Variants in ROBO2 observed in about 807,000 individuals in gnomAD.
ROBO2 encodes the protein roundabout homolog 2.
Under a neutral mutation model 160.8 loss-of-function variants are expected in ROBO2, and 53 were observed. The observed-to-expected ratio is 0.33, with a 90% CI of 0.26 to 0.41. The LOEUF (loss-of-function observed/expected upper bound fraction) is 0.41, where lower values mean the gene tolerates loss of function less well. Ranked by LOEUF, ROBO2 falls within the 10% of genes least tolerant of loss-of-function variation. The pLI, the probability that ROBO2 is intolerant of heterozygous loss-of-function variation, is 1.00. For missense variants in ROBO2, 1,577 were observed against 1,722.4 expected (o/e 0.92, Z 1.49); for synonymous variants, 664 against 611.7 (o/e 1.09, Z -1.26).
At chr3:77,632,227 G>A in intron 23 of ROBO2, 1 of 315,660 alleles carries the variant, frequency 3.2e-6, no homozygotes, top group Non-Finnish European at 5.7e-6. Flanking sequence ...TTTAAACAAT[G>A]TAAGAGTTGA....
chr3:77,145,405 G>A (rs1271727935), intron 2 of ROBO2, among the ~76,000 whole-genome samples: 2 of 152,064 alleles, frequency 1.3e-5, no homozygotes, highest in Admixed American at 1.3e-4. Context: ...TGTAGCTAAC[G>A]TTCTGAAGGA....
intron 2 of ROBO2, among the ~76,000 whole-genome samples, chr3:76,381,271 A>T (rs2076607715): frequency 6.6e-6 from 1 of 152,210 alleles, no homozygotes; most frequent in Non-Finnish European, 1.5e-5. Context: ...ATTTAGACCA[A>T]AATAAATCAA....
chr3:76,732,026 C>T lies in ROBO2; in HGVS notation c.110-365988C>T, dbSNP rs532476350. On this transcript the variant is annotated intron_variant, in intron 2 of 26. Transcript: ENST00000487694. ...TTTTCATCTTTCAGAGCCCAGACTG[C>T]CAGTTATTTCACCCGGGAATCATGT... 9.9e-5 allele frequency among the ~76,000 whole-genome samples: 15 copies of T among 152,052 alleles called. No homozygotes were observed. In the South Asian group the frequency reaches 3.1e-3, roughly 32 times the overall value.
intron 2 of ROBO2, among the ~76,000 whole-genome samples, chr3:77,463,941 C>T (rs2082503325): frequency 6.6e-6 from 1 of 152,168 alleles, no homozygotes; most frequent in Admixed American, 6.5e-5. Flanking sequence ...AGCCATTAAA[C>T]TCATTGAAGA....
At chr3:77,286,085 G>C (rs549544752) in intron 2 of ROBO2, among the ~76,000 whole-genome samples, 1 of 152,008 alleles carries the variant, frequency 6.6e-6, no homozygotes, top group Non-Finnish European at 1.5e-5. Context: ...AATAATCTGC[G>C]CATATGCATA....
chr3:77,410,513 T>TTCCTCCTCC (rs1253780728), intron 2 of ROBO2, among the ~76,000 whole-genome samples: 1 of 97,792 alleles, frequency 1.0e-5, no homozygotes, highest in Non-Finnish European at 2.5e-5. Context: ...CTTCCTCCTC[T>TTCCTCCTCC]TCCTCCTCCT....
chr3:77,593,604 A>G (rs1559684623), intron 17 of ROBO2, among the ~76,000 whole-genome samples: 1 of 152,214 alleles, frequency 6.6e-6, no homozygotes, highest in Admixed American at 6.5e-5. Flanking sequence ...GATATGCTTT[A>G]CTGTCTCATG....
chr3:76,477,052 CT>C (rs1276150682), intron 2 of ROBO2, among the ~76,000 whole-genome samples: 2 of 152,110 alleles, frequency 1.3e-5, no homozygotes, highest in Non-Finnish European at 2.9e-5. Flanking sequence ...ACTGTGTAGC[CT>C]CAGCTGTAAA....
chr3:76,215,601 G>C (rs1373165224), intron 2 of ROBO2, among the ~76,000 whole-genome samples: 1 of 152,042 alleles, frequency 6.6e-6, no homozygotes, highest in Non-Finnish European at 1.5e-5. Context: ...GTGAAGAGAA[G>C]TTTAGAGAAA....
intron 2 of ROBO2, among the ~76,000 whole-genome samples, chr3:77,351,186 C>A (rs1245440937): frequency 1.3e-5 from 2 of 151,976 alleles, no homozygotes; most frequent in Admixed American, 1.3e-4. Context: ...ATTGTGACAA[C>A]CTCAAAATTC....
chr3:76,599,705 G>A lies in ROBO2; in HGVS notation c.110-498309G>A, dbSNP rs558168559. On this transcript the variant is annotated intron_variant, in intron 2 of 26. Transcript: ENST00000487694. ...TTCCTTTCGCTTCACAACCTCTCCA[G>A]CACCTGTTAGTTTTTTACTTTTCAG... Among the ~76,000 whole-genome samples, 3 of 152,210 alleles carry A rather than the reference G, an allele frequency of 2.0e-5. No individual in the cohort carries two copies. The East Asian group carries it at 5.8e-4, about 29-fold the overall frequency.
chr3:76,481,244 T>A (rs2079189938), intron 2 of ROBO2, among the ~76,000 whole-genome samples: 1 of 152,198 alleles, frequency 6.6e-6, no homozygotes, highest in South Asian at 2.1e-4. Context: ...ACTGCTTTCT[T>A]CATTGGACAT....
intron 2 of ROBO2, among the ~76,000 whole-genome samples, chr3:77,165,878 A>T (rs1470464255): frequency 6.6e-6 from 1 of 152,176 alleles, no homozygotes; most frequent in East Asian, 1.9e-4. Flanking sequence ...TTCTATTTTT[A>T]AAAATTTCAG....
intron 2 of ROBO2, among the ~76,000 whole-genome samples, chr3:76,711,679 T>TA (rs2093296815): frequency 3.3e-5 from 5 of 152,122 alleles, no homozygotes; most frequent in African/African-American, 1.2e-4. Flanking sequence ...GGTGCACACT[T>TA]AGATAGCCAC....
At chr3:77,339,418 A>G (rs996963349) in intron 2 of ROBO2, among the ~76,000 whole-genome samples, 2 of 152,088 alleles carry the variant, frequency 1.3e-5, no homozygotes, top group Non-Finnish European at 1.5e-5. Context: ...TTCATATAAG[A>G]ACACATTTTC....
intron 2 of ROBO2, among the ~76,000 whole-genome samples, chr3:76,272,509 A>C (rs2107632063): frequency 6.6e-6 from 1 of 150,964 alleles, no homozygotes; most frequent in East Asian, 2.0e-4. Context: ...CTAAAAATAC[A>C]AAAATTAGCT....
chr3:76,923,566 T>A (rs2076801823), intron 2 of ROBO2, among the ~76,000 whole-genome samples: 4 of 152,230 alleles, frequency 2.6e-5, no homozygotes, highest in Admixed American at 6.5e-5. Context: ...CTAATGGCTC[T>A]AGCCCCTTTT....
intron 2 of ROBO2, among the ~76,000 whole-genome samples, chr3:76,447,592 C>A (rs1023804088): frequency 4.1e-4 from 62 of 149,970 alleles, no homozygotes; most frequent in African/African-American, 1.4e-3. Flanking sequence ...CACAGGCACA[C>A]GTATGTATAT....
At chr3:76,107,182 T>C (rs940909807) in intron 2 of ROBO2, among the ~76,000 whole-genome samples, 3 of 152,110 alleles carry the variant, frequency 2.0e-5, no homozygotes, top group Non-Finnish European at 4.4e-5. Flanking sequence ...TTTGTTCAAG[T>C]TGAGGTAGTT....
Sources: gnomAD v4.1 joint callset for allele counts (sites outside exome capture counted in the v4.1 genomes callset) on GRCh38, gnomAD v4.1.1 for gene constraint, MANE v1.5 for transcripts, NCBI Gene and HGNC (gene_info 2026-07-23, HGNC 2026-07-21) for gene names.